Variants in TRPC5 observed in about 807,000 individuals in gnomAD.
TRPC5 encodes the protein short transient receptor potential channel 5.
In TRPC5, 9 loss-of-function variants were observed where a neutral mutation model predicts 56.5. That is an observed-to-expected ratio of 0.16 (90% CI 0.10 to 0.28). The LOEUF is 0.28. Among genes scored for constraint, TRPC5 ranks in the 10% least tolerant of loss-of-function variants. The pLI is 1.00. For synonymous variants in TRPC5, 282 were observed against 278.5 expected, an observed-to-expected ratio of 1.01 and a Z score of -0.13; for missense variants, 469 against 748.9, an observed-to-expected ratio of 0.63 and a Z score of 4.36.
At chrX:111,899,948 T>C (rs1925257102) in intron 3 of TRPC5, among the ~76,000 whole-genome samples, 1 of 110,881 alleles carries the variant, frequency 9.0e-6, no homozygotes, top group Non-Finnish European at 1.9e-5. Flanking sequence ...TTCTGGTCAT[T>C]ATCGTTGTGA....
At chrX:112,030,756 A>G in intron 1 of TRPC5, among the ~76,000 whole-genome samples, 1 of 111,755 alleles carries the variant, frequency 8.9e-6, no homozygotes, top group Non-Finnish European at 1.9e-5. Flanking sequence ...ATTTTGGCCT[A>G]CTATACTTCA....
intron 3 of TRPC5, among the ~76,000 whole-genome samples, chrX:111,888,084 G>A (rs1465149707): frequency 1.8e-5 from 2 of 111,012 alleles, no homozygotes; most frequent in Admixed American, 9.6e-5. Flanking sequence ...AGAAGGTGAG[G>A]GATTTAGCTC....
At chrX:111,999,862 C>T (rs967206247) in intron 1 of TRPC5, among the ~76,000 whole-genome samples, 17 of 111,261 alleles carry the variant, frequency 1.5e-4, no homozygotes, top group Non-Finnish European at 2.5e-4. Context: ...GCTACTCAGG[C>T]GGCTGAGGCA....
intron 1 of TRPC5, among the ~76,000 whole-genome samples, chrX:112,052,953 A>T (rs1343936519): frequency 1.8e-5 from 2 of 111,746 alleles, no homozygotes; most frequent in Non-Finnish European, 3.8e-5. Context: ...ATTCTATTCC[A>T]TTGGCATATA....
At chrX:111,851,121 C>T (rs1366009818) in intron 5 of TRPC5, among the ~76,000 whole-genome samples, 2 of 112,222 alleles carry the variant, frequency 1.8e-5, no homozygotes, top group African/African-American at 6.5e-5. Context: ...TACTCTTGGG[C>T]TCTTTTCAAA....
rs780145061 is a variant in TRPC5 at position 111,852,502 on chromosome X, C to G, written c.1238-65G>C. The G allele has an allele frequency of 2.8e-6, 3 of 1,058,502 alleles. No individual in the cohort carries two copies. In the Admixed American group the frequency reaches 8.9e-5, roughly 32 times the overall value. 87.2% of individuals were successfully genotyped at this position (1,058,502 alleles called of 1,213,427 possible). A position where few individuals can be genotyped will look rare whatever the true frequency, so the allele number is the denominator to read the frequency against. ...CAGCCCTGCTCATCATAGAAGGATT[C>G]CCCCCTCCAGGTGAATAAGGATGAA... On this transcript the variant is annotated intron_variant, in intron 4 of 10. Transcript: ENST00000262839.
chrX:111,829,956 C>G (rs1922361310), intron 7 of TRPC5, among the ~76,000 whole-genome samples: 1 of 112,675 alleles, frequency 8.9e-6, no homozygotes, highest in Non-Finnish European at 1.9e-5. Context: ...AATCCACTGA[C>G]AGCTTGCACC....
intron 3 of TRPC5, among the ~76,000 whole-genome samples, chrX:111,886,466 C>T (rs1924501685): frequency 9.0e-6 from 1 of 110,994 alleles, no homozygotes; most frequent in Non-Finnish European, 1.9e-5. Flanking sequence ...TCTTTTTTTT[C>T]AGCCTGAGGT....
chrX:111,978,693 A>G (rs979040490), intron 1 of TRPC5, among the ~76,000 whole-genome samples: 2 of 110,829 alleles, frequency 1.8e-5, no homozygotes, highest in Non-Finnish European at 3.8e-5. Context: ...ATAGTAAAAA[A>G]TGCTATATTA....
chrX:112,004,987 C>T lies in TRPC5; in HGVS notation c.-21-52546G>A, dbSNP rs1273811191. On this transcript the variant is annotated intron_variant, in intron 1 of 10. Coordinates refer to ENST00000262839, the MANE Select transcript of TRPC5 (RefSeq NM_012471.3). Reference sequence around the variant, plus strand: ...ATAGTCTTGTTCTCTGTCCTGGCCACACATTAGAATCACTTCAGGAGTTTG... The same window carrying T: ...ATAGTCTTGTTCTCTGTCCTGGCCATACATTAGAATCACTTCAGGAGTTTG... Among the ~76,000 whole-genome samples, 10 of 111,827 alleles carry T rather than the reference C, an allele frequency of 8.9e-5. No homozygotes were observed. In the East Asian group the frequency reaches 2.8e-3, roughly 32 times the overall value.
At chrX:111,822,982 G>A (rs965688248) in intron 7 of TRPC5, among the ~76,000 whole-genome samples, 1 of 111,574 alleles carries the variant, frequency 9.0e-6, no homozygotes, top group Non-Finnish European at 1.9e-5. Context: ...TTTAGGACAG[G>A]AAAAGAAAAT....
chrX:111,899,364 T>C (rs1250359939), intron 3 of TRPC5, among the ~76,000 whole-genome samples: 1 of 111,638 alleles, frequency 9.0e-6, no homozygotes, highest in Non-Finnish European at 1.9e-5. Context: ...ATAAATACAA[T>C]AAAAATTTGA....
At chrX:111,812,188 C>T (rs1921730644) in intron 7 of TRPC5, among the ~76,000 whole-genome samples, 1 of 109,914 alleles carries the variant, frequency 9.1e-6, no homozygotes, top group African/African-American at 3.3e-5. Flanking sequence ...CAGTTATGTC[C>T]TTTAAAAATT....
intron 1 of TRPC5, among the ~76,000 whole-genome samples, chrX:112,003,843 C>T (rs1033202005): frequency 6.3e-5 from 7 of 111,508 alleles, no homozygotes; most frequent in African/African-American, 2.3e-4. Flanking sequence ...ATCATTCTGG[C>T]AACAGTGCAA....
intron 3 of TRPC5, among the ~76,000 whole-genome samples, chrX:111,909,428 A>C (rs1390751204): frequency 9.0e-6 from 1 of 110,861 alleles, no homozygotes; most frequent in Non-Finnish European, 1.9e-5. Flanking sequence ...TCACTATTGA[A>C]AGTAAAATAG....
intron 1 of TRPC5, among the ~76,000 whole-genome samples, chrX:112,053,394 G>A (rs1930264957): frequency 1.8e-5 from 2 of 111,518 alleles, no homozygotes; most frequent in African/African-American, 6.5e-5. Flanking sequence ...CCTATGTTTC[G>A]GTGTTGTAGT....
At chrX:111,958,604 A>G (rs1927295952) in intron 1 of TRPC5, among the ~76,000 whole-genome samples, 1 of 112,493 alleles carries the variant, frequency 8.9e-6, no homozygotes, top group South Asian at 3.7e-4. Flanking sequence ...GGGCTCGGGC[A>G]AGAAGCCCCT....
At chrX:112,068,166 G>T (rs1347957223) in intron 1 of TRPC5, among the ~76,000 whole-genome samples, 1 of 112,017 alleles carries the variant, frequency 8.9e-6, no homozygotes, top group South Asian at 3.7e-4. Flanking sequence ...GGCTGCTTTT[G>T]CAACCTACTC....
intron 3 of TRPC5, among the ~76,000 whole-genome samples, chrX:111,889,230 A>G (rs575233105): frequency 9.0e-6 from 1 of 111,683 alleles, no homozygotes; most frequent in East Asian, 2.8e-4. Context: ...GACAAGTAAG[A>G]TGAGACGGAG....
Sources: allele counts gnomAD v4.1 joint callset (sites outside exome capture counted in the v4.1 genomes callset), GRCh38; gene constraint gnomAD v4.1.1; transcripts MANE v1.5; gene names NCBI Gene and HGNC (gene_info 2026-07-23, HGNC 2026-07-21).